MID1: variants seen among roughly 807,000 people sequenced by gnomAD.
The protein encoded by MID1 is E3 ubiquitin-protein ligase Midline-1.
MID1 carries 7 observed loss-of-function variants against 40.4 expected under a neutral mutation model. The ratio of observed to expected loss-of-function variants is 0.17; its 90% CI spans 0.10 to 0.33. The LOEUF (loss-of-function observed/expected upper bound fraction) is 0.33. MID1 is among the 10% of genes least tolerant of loss of function. The pLI is 1.00. For synonymous variants in MID1, 229 were observed against 221.2 expected (o/e 1.04, Z -0.31); for missense variants, 367 against 558.5 (o/e 0.66, Z 3.46).
intron 1 of MID1, among the ~76,000 whole-genome samples, chrX:10,711,634 G>A (rs1264575967): frequency 1.8e-5 from 2 of 112,195 alleles, no homozygotes; most frequent in African/African-American, 6.5e-5. Context: ...TAGAAAAAAA[G>A]AGAAGGAGCA....
At chrX:10,685,154 T>A (rs1362492912) in intron 1 of MID1, among the ~76,000 whole-genome samples, 1 of 111,917 alleles carries the variant, frequency 8.9e-6, no homozygotes, top group Non-Finnish European at 1.9e-5. Context: ...TCATTAAAAA[T>A]TTCATGTAAA....
chrX:10,571,291 G>T (rs2147476039), intron 1 of MID1, among the ~76,000 whole-genome samples: 1 of 111,482 alleles, frequency 9.0e-6, no homozygotes, highest in Admixed American at 9.5e-5. Context: ...AAGGGGTTTT[G>T]GTTTGATATC....
chrX:10,727,985 G>A (rs528133853), intron 1 of MID1, among the ~76,000 whole-genome samples: 25 of 112,025 alleles, frequency 2.2e-4, no homozygotes, highest in Middle Eastern at 9.2e-3. Flanking sequence ...CTTGAATTCC[G>A]AAATATTTTC....
At chrX:10,455,299 A>G (rs1002156773) in intron 8 of MID1, among the ~76,000 whole-genome samples, 3 of 112,043 alleles carry the variant, frequency 2.7e-5, no homozygotes, top group African/African-American at 9.7e-5. Context: ...CATAATATTC[A>G]AAAGACAATA....
At chrX:10,807,175 G>A (rs2044054192) in intron 1 of MID1, among the ~76,000 whole-genome samples, 1 of 110,484 alleles carries the variant, frequency 9.1e-6, no homozygotes, top group African/African-American at 3.3e-5. Flanking sequence ...AACTTGGGAG[G>A]CGGAGGTTGC....
intron 1 of MID1, among the ~76,000 whole-genome samples, chrX:10,761,242 T>TACACAC (rs61485561): frequency 1.8e-5 from 2 of 108,699 alleles, no homozygotes; most frequent in African/African-American, 6.7e-5. Context: ...TCCTTCATTT[T>TACACAC]ACACACACAC....
At chrX:10,716,874 T>A (rs1307018671) in intron 1 of MID1, among the ~76,000 whole-genome samples, 4 of 110,742 alleles carry the variant, frequency 3.6e-5, no homozygotes, top group Non-Finnish European at 5.7e-5. Context: ...GCCAGAAGAG[T>A]GTGGGGGCCA....
At chrX:10,785,498 C>T (rs1275433062) in intron 1 of MID1, among the ~76,000 whole-genome samples, 5 of 111,159 alleles carry the variant, frequency 4.5e-5, no homozygotes, top group East Asian at 2.8e-4. Flanking sequence ...AAAAAGAGCC[C>T]GCATCACCAA....
intron 1 of MID1, among the ~76,000 whole-genome samples, chrX:10,599,036 A>G (rs924844781): frequency 3.4e-4 from 38 of 111,941 alleles, no homozygotes; most frequent in African/African-American, 1.1e-3. Context: ...GATTCTGGTG[A>G]GTGACAATCA....
At chrX:10,580,078 C>G (rs1261384091) in intron 1 of MID1, among the ~76,000 whole-genome samples, 1 of 107,704 alleles carries the variant, frequency 9.3e-6, no homozygotes, top group Non-Finnish European at 1.9e-5. Context: ...ATCTTTAAGT[C>G]TGGGACAATA....
intron 1 of MID1, among the ~76,000 whole-genome samples, chrX:10,728,512 G>A (rs1443418766): frequency 2.7e-5 from 3 of 112,260 alleles, no homozygotes; most frequent in African/African-American, 9.7e-5. Flanking sequence ...GAAAAATAAT[G>A]TTTGCTTCTA....
At chrX:10,645,366 T>A (rs5979334) in intron 1 of MID1, among the ~76,000 whole-genome samples, 8 of 110,557 alleles carry the variant, frequency 7.2e-5, no homozygotes, top group South Asian at 3.8e-4. Flanking sequence ...CGGAAATGAC[T>A]TACAGAAACA....
chrX:10,473,360 T>A (rs985402945), intron 6 of MID1, among the ~76,000 whole-genome samples: 1 of 112,466 alleles, frequency 8.9e-6, no homozygotes, highest in African/African-American at 3.2e-5. Context: ...AATTTCTTTC[T>A]TCCTTAATAG....
chrX:10,727,098 A>G (rs2043397911), intron 1 of MID1, among the ~76,000 whole-genome samples: 1 of 106,145 alleles, frequency 9.4e-6, no homozygotes, highest in Admixed American at 9.6e-5. Flanking sequence ...TTTCTATCTC[A>G]TCATGATTTT....
Position 10,469,764 on chromosome X carries a change from A to T in MID1, c.1218T>A (p.Asp406Glu). ...CGTAGGAGACCACGCTGAACTCATC[A>T]TCGGAGGTCCAATGCACAGTGATGG... The part of the protein sequence containing the change: ...YDTITVHWTS[D>E]DEFSVVSYEL... Residue 406 changes from aspartate (D) to glutamate (E), a missense_variant, in exon 7 of 10, where the codon GAT becomes GAA. Coordinates refer to ENST00000317552, the MANE Select transcript of MID1 (RefSeq NM_000381.4). 8.3e-7 allele frequency: 1 copy of T among 1,210,911 alleles called. No individual in the cohort carries two copies. Among genetic ancestry groups the T allele is most frequent in the Non-Finnish European group, 1.1e-6 (1 of 894,750 alleles).
intron 1 of MID1, among the ~76,000 whole-genome samples, chrX:10,649,861 T>G (rs1273913552): frequency 2.7e-5 from 3 of 112,228 alleles, no homozygotes; most frequent in Non-Finnish European, 5.6e-5. Flanking sequence ...AGCTTAACTT[T>G]GAAAATATTA....
intron 1 of MID1, among the ~76,000 whole-genome samples, chrX:10,633,884 G>T (rs1245321196): frequency 2.7e-5 from 3 of 111,446 alleles, no homozygotes; most frequent in African/African-American, 6.5e-5. Context: ...CCCAATACTC[G>T]TTGCCTAAGA....
intron 1 of MID1, among the ~76,000 whole-genome samples, chrX:10,615,186 A>G (rs1935818242): frequency 9.0e-6 from 1 of 111,548 alleles, no homozygotes; most frequent in Non-Finnish European, 1.9e-5. Context: ...CCATACAAAT[A>G]TAGATATTAA....
At chrX:10,787,025 A>G (rs2043890685) in intron 1 of MID1, among the ~76,000 whole-genome samples, 1 of 111,448 alleles carries the variant, frequency 9.0e-6, no homozygotes, top group Admixed American at 9.5e-5. Context: ...CCCAGAGTCC[A>G]CACAACACAT....
Sources: allele counts gnomAD v4.1 joint callset (sites outside exome capture counted in the v4.1 genomes callset), GRCh38; gene constraint gnomAD v4.1.1; transcripts MANE v1.5; gene names NCBI Gene and HGNC (gene_info 2026-07-23, HGNC 2026-07-21).